ZMYM2: variants seen among roughly 807,000 people sequenced by gnomAD.
The protein encoded by ZMYM2 is zinc finger MYM-type protein 2.
In ZMYM2, 56 loss-of-function variants were observed where a neutral mutation model predicts 162.8. The ratio of observed to expected loss-of-function variants is 0.34; its 90% CI spans 0.28 to 0.43. The LOEUF (loss-of-function observed/expected upper bound fraction) is 0.43, where lower values mean the gene tolerates loss of function less well. Ranked by LOEUF, ZMYM2 falls within the 20% of genes least tolerant of loss-of-function variation. The pLI, the probability that ZMYM2 is intolerant of heterozygous loss-of-function variation, is 1.00. For missense variants in ZMYM2, 1,275 were observed against 1,621.8 expected, an observed-to-expected ratio of 0.79 and a Z score of 3.67; for synonymous variants, 510 against 541.6, an observed-to-expected ratio of 0.94 and a Z score of 0.81.
chr13:19,955,225 A>C (rs1954481391), upstream of ZMYM2, among the ~76,000 whole-genome samples: 1 of 152,056 alleles, frequency 6.6e-6, no homozygotes, highest in African/African-American at 2.4e-5. Context: ...TCCTAGTAGA[A>C]TATTATAATT....
At chr13:19,895,578 G>A in the ZMYM2 span, among the ~76,000 whole-genome samples, 1 of 151,730 alleles carries the variant, frequency 6.6e-6, no homozygotes, top group Admixed American at 6.6e-5. Flanking sequence ...TTATAAAGCT[G>A]CCAGTTCCCT....
chr13:19,993,048 C>T lies in ZMYM2; in HGVS notation c.-10-15C>T, dbSNP rs1438294166. ...CATACTGACATTTTAATTCTTTTTT[C>T]TATCTTCCTAACAGGTTCTTTGGCA... is the stretch of plus-strand genomic sequence containing the variant. On this transcript the variant is annotated splice_polypyrimidine_tract_variant and intron_variant, in intron 2 of 24. Coordinates refer to ENST00000610343, the MANE Select transcript of ZMYM2 (RefSeq NM_197968.4). The T allele has an allele frequency of 1.3e-6, 2 of 1,545,102 alleles. No individual in the cohort carries two copies. The highest frequency in any genetic ancestry group is 2.2e-5 in the Admixed American group (1 of 45,516).
the ZMYM2 span, among the ~76,000 whole-genome samples, chr13:19,953,607 C>A: frequency 1.4e-5 from 2 of 144,164 alleles, no homozygotes; most frequent in Non-Finnish European, 3.0e-5. Context: ...TTGCTTAAAT[C>A]CAGGAGGCAG....
At chr13:20,059,794 G>A (rs1956095597) in intron 16 of ZMYM2, among the ~76,000 whole-genome samples, 1 of 151,930 alleles carries the variant, frequency 6.6e-6, no homozygotes, top group Non-Finnish European at 1.5e-5. Context: ...CCAGCACTTT[G>A]GGAGGCTAAG....
rs185883259 is a variant in ZMYM2, at chr13:20,026,411, C to T, written c.1585-201C>T. On this transcript the variant is annotated intron_variant, in intron 7 of 24. Coordinates refer to ENST00000610343, the MANE Select transcript of ZMYM2 (RefSeq NM_197968.4). ...CATTCTGTTTTTGAAGGCGACTTAG[C>T]TGATGATCATTGCTTTGTTTGGACC... is the stretch of plus-strand genomic sequence containing the variant. 8.8e-4 allele frequency: 390 copies of T among 443,554 alleles called. 2 individuals carry two copies. The highest frequency in any genetic ancestry group is 1.4e-3 in the Non-Finnish European group (351 of 254,328). The allele number at this position is 443,554 out of a possible 1,614,324, so 27.5% of individuals were successfully genotyped here. A position where few individuals can be genotyped will look rare whatever the true frequency, so the allele number is the denominator to read the frequency against.
At chr13:20,019,004 C>T (rs1312696070) in intron 6 of ZMYM2, among the ~76,000 whole-genome samples, 1 of 149,984 alleles carries the variant, frequency 6.7e-6, no homozygotes, top group African/African-American at 2.5e-5. Context: ...CGCTTGAACC[C>T]AGGAGGTGGA....
the ZMYM2 span, among the ~76,000 whole-genome samples, chr13:19,949,368 C>T: frequency 6.6e-6 from 1 of 152,136 alleles, no homozygotes; most frequent in East Asian, 1.9e-4. Context: ...GAGCCGAGAT[C>T]ACGCCACTGC....
the ZMYM2 span, among the ~76,000 whole-genome samples, chr13:19,878,982 T>A: frequency 3.9e-5 from 6 of 152,316 alleles, no homozygotes; most frequent in Middle Eastern, 3.4e-3. Flanking sequence ...TGCAAAAAAA[T>A]TTTTAATTTT....
intron 6 of ZMYM2, among the ~76,000 whole-genome samples, chr13:20,008,291 C>T (rs55641467): frequency 3.5e-4 from 54 of 152,168 alleles, no homozygotes; most frequent in Admixed American, 9.8e-4. Context: ...CCACCATGCC[C>T]GACTAATTTT....
intron 3 of ZMYM2, among the ~76,000 whole-genome samples, chr13:19,994,394 A>C (rs1466572114): frequency 6.6e-6 from 1 of 152,250 alleles, no homozygotes; most frequent in Non-Finnish European, 1.5e-5. Context: ...CTTTTTGCTA[A>C]TAGAATTTTT....
the ZMYM2 span, among the ~76,000 whole-genome samples, chr13:19,917,185 A>G: frequency 2.6e-5 from 4 of 151,932 alleles, no homozygotes; most frequent in South Asian, 2.1e-4. Context: ...GATGGTCTCA[A>G]TCTCCTGACC....
Position 20,036,803 on chromosome 13 carries a change from A to G in ZMYM2, c.2186A>G (p.Tyr729Cys), listed in dbSNP as rs763825321. The stretch of plus-strand genomic sequence containing the variant: ...GGATTGAGATGTGTTACTTGCAACT[A>G]TTGTTCTCAGCTATGTAAGAAGGGA... ...RLGLRCVTCN[Y>C]CSQLCKKGAT... is the part of the protein sequence containing the mutation. The change falls in exon 12 of 25, where the codon TAT becomes TGT. Residue 729 changes from tyrosine (Y) to cysteine (C), a missense_variant. Physicochemically the swap from Tyr to Cys is radical, Grantham distance 194 (BLOSUM62 -2). This residue lies in a region of ZMYM2 where 177 missense variants were observed against 228.0 expected (regional missense o/e 0.78). Transcript: ENST00000610343. The G allele has an allele frequency of 1.9e-5, 31 of 1,606,906 alleles. No homozygotes were observed. Among genetic ancestry groups the G allele is most frequent in the East Asian group, 2.2e-5 (1 of 44,650 alleles).
chr13:20,059,330 T>TTA, intron 15 of ZMYM2, 117 bp from the exon 16 acceptor site: 3 of 758,596 alleles, frequency 4.0e-6, no homozygotes, highest in Non-Finnish European at 3.7e-6. Context: ...AACTGGGAAT[T>TTA]AAAAAAAAAA....
chr13:19,988,841 G>A (rs1010060240), intron 2 of ZMYM2, among the ~76,000 whole-genome samples: 3 of 152,150 alleles, frequency 2.0e-5, no homozygotes, highest in Non-Finnish European at 4.4e-5. Context: ...CATATTTGAT[G>A]TCTGTGAAAA....
At chr13:20,060,676 C>G (rs1300923709) in intron 16 of ZMYM2, among the ~76,000 whole-genome samples, 7 of 148,978 alleles carry the variant, frequency 4.7e-5, no homozygotes, top group Non-Finnish European at 8.9e-5. Context: ...GAAATTCCAT[C>G]TCAAAAAAAA....
intron 7 of ZMYM2, among the ~76,000 whole-genome samples, chr13:20,023,974 G>A (rs1363978187): frequency 6.9e-6 from 1 of 144,676 alleles, no homozygotes; most frequent in Non-Finnish European, 1.5e-5. Flanking sequence ...TCACTCTGTT[G>A]CCCAGGCTGG....
At chr13:19,883,905 C>T in the ZMYM2 span, among the ~76,000 whole-genome samples, 6 of 152,152 alleles carry the variant, frequency 3.9e-5, no homozygotes, top group African/African-American at 1.4e-4. Context: ...TACAAGGGCC[C>T]ACCCCCACAT....
chr13:20,043,201 C>CT (rs2140446424), intron 12 of ZMYM2, among the ~76,000 whole-genome samples: 1 of 152,292 alleles, frequency 6.6e-6, no homozygotes, highest in African/African-American at 2.4e-5. Flanking sequence ...TTGATTCTGT[C>CT]TCCTGGAGCG....
intron 10 of ZMYM2, 106 bp from the exon 11 acceptor site, chr13:20,034,148 T>C (rs1953454865): frequency 4.7e-6 from 5 of 1,061,838 alleles, no homozygotes; most frequent in Non-Finnish European, 6.2e-6. Context: ...CCCAAGGGTC[T>C]TAACATTAAA....
Sources: allele counts gnomAD v4.1 joint callset (sites outside exome capture counted in the v4.1 genomes callset), GRCh38; gene constraint gnomAD v4.1.1; regional missense constraint gnomAD v4.1.1; transcripts MANE v1.5; gene names NCBI Gene and HGNC (gene_info 2026-07-23, HGNC 2026-07-21).